The following P4HA1 variants were observed in gnomAD, a reference collection of about 807,000 sequenced individuals.
The protein encoded by P4HA1 is prolyl 4-hydroxylase subunit alpha 1.
P4HA1 carries 24 observed loss-of-function variants against 72.8 expected under a neutral mutation model. That is an observed-to-expected ratio of 0.33 (90% CI 0.24 to 0.46). P4HA1 has a LOEUF of 0.46. Among genes scored for constraint, P4HA1 ranks in the 20% least tolerant of loss-of-function variants. The pLI, the probability that P4HA1 is intolerant of heterozygous loss-of-function variation, is 1.00. For synonymous variants in P4HA1, 201 were observed against 218.8 expected (o/e 0.92, Z 0.72); for missense variants, 446 against 640.6 (o/e 0.70, Z 3.28).
At chr10:73,091,556 G>A (rs1403607804) in intron 1 of P4HA1, among the ~76,000 whole-genome samples, 1 of 152,202 alleles carries the variant, frequency 6.6e-6, no homozygotes, top group Non-Finnish European at 1.5e-5. Flanking sequence ...GAAGTCTTGA[G>A]CCTACTTAAA....
At chr10:73,019,730 G>GAAAAAAAA (rs3066045) in intron 10 of P4HA1, among the ~76,000 whole-genome samples, 3,480 of 65,188 alleles carry the variant, frequency 0.053, 771 homozygotes, top group Admixed American at 0.11. Context: ...CTCTGTCTCA[G>GAAAAAAAA]AAAAAAAAAA....
At chr10:73,042,906 A>G (rs1840769974) in intron 9 of P4HA1, among the ~76,000 whole-genome samples, 1 of 152,236 alleles carries the variant, frequency 6.6e-6, no homozygotes, top group South Asian at 2.1e-4. Context: ...CAAAATGTCA[A>G]TAGTGCTATT....
chr10:73,051,329 G>T, intron 6 of P4HA1, 80 bp from the exon 7 acceptor site: 1 of 749,570 alleles, frequency 1.3e-6, no homozygotes, highest in Non-Finnish European at 2.1e-6. Flanking sequence ...ATAAAAATAG[G>T]AGACATTATA....
intron 1 of P4HA1, among the ~76,000 whole-genome samples, chr10:73,080,820 C>T (rs1427584414): frequency 1.3e-5 from 2 of 152,000 alleles, no homozygotes; most frequent in East Asian, 3.9e-4. Flanking sequence ...CCCAGCTACT[C>T]GGGAGGCTGA....
At chr10:73,085,142 T>TA (rs112144582) in intron 1 of P4HA1, among the ~76,000 whole-genome samples, 23,708 of 149,180 alleles carry the variant, frequency 0.16, 3,043 homozygotes, top group African/African-American at 0.33. Context: ...CCATCTCATT[T>TA]AAAAAAAAAA....
At chr10:73,093,897 TATATATATATACACAC>T (rs1377184875) in intron 1 of P4HA1, among the ~76,000 whole-genome samples, 5 of 76,484 alleles carry the variant, frequency 6.5e-5, no homozygotes, top group Admixed American at 3.3e-4. Context: ...TATATATATA[TATATATATATACACAC>T]ACACACACAC....
intron 1 of P4HA1, among the ~76,000 whole-genome samples, chr10:73,096,182 C>A (rs1002174702): frequency 2.6e-5 from 4 of 152,220 alleles, no homozygotes; most frequent in Non-Finnish European, 5.9e-5. Flanking sequence ...GCAGCTAATG[C>A]TGCACCGCTG....
rs368410416 is a variant in P4HA1, at chr10:73,013,063, T to C, written c.1368+1161A>G. Among the ~76,000 whole-genome samples the C allele has an allele frequency of 7.7e-4, 118 of 152,316 alleles. 2 individuals carry two copies. In the South Asian group the frequency reaches 0.024, roughly 31 times the overall value. On this transcript the variant is annotated intron_variant, in intron 12 of 14. Transcript: ENST00000394890. ...TGCCCGCCTCGGCCTCTCAAAGTGT[T>C]GGGATTACAGGCGTGTGTCACTGTG...
intron 1 of P4HA1, among the ~76,000 whole-genome samples, chr10:73,079,803 C>T (rs1050641941): frequency 2.6e-5 from 4 of 152,146 alleles, no homozygotes; most frequent in Admixed American, 2.0e-4. Flanking sequence ...GAAAGCAACC[C>T]TATTATCTAG....
intron 5 of P4HA1, among the ~76,000 whole-genome samples, chr10:73,056,990 A>G (rs1324590277): frequency 2.7e-5 from 4 of 148,066 alleles, no homozygotes; most frequent in Non-Finnish European, 4.5e-5. Flanking sequence ...AACCCAGGAG[A>G]CAGAGCTTGC....
intron 2 of P4HA1, among the ~76,000 whole-genome samples, chr10:73,074,435 T>A (rs1293414342): frequency 6.6e-6 from 1 of 152,050 alleles, no homozygotes; most frequent in African/African-American, 2.4e-5. Context: ...CTGGTCAACA[T>A]GGTGAGACCC....
chr10:73,093,034 T>G (rs1050854384), intron 1 of P4HA1, among the ~76,000 whole-genome samples: 1 of 151,724 alleles, frequency 6.6e-6, no homozygotes, highest in Non-Finnish European at 1.5e-5. Context: ...GCAGAAGGAT[T>G]GCTTGAGCCC....
At chr10:73,078,498 C>T (rs1415873981) in intron 1 of P4HA1, among the ~76,000 whole-genome samples, 5 of 148,604 alleles carry the variant, frequency 3.4e-5, no homozygotes, top group Non-Finnish European at 5.9e-5. Flanking sequence ...CTGGTCAAAA[C>T]GAAGAAAAAT....
At chr10:73,043,804 T>A in intron 9 of P4HA1, 2 of 1,020,600 alleles carry the variant, frequency 2.0e-6, no homozygotes, top group South Asian at 1.3e-5. Context: ...TCTTAGAAAC[T>A]ATATCATGAG....
intron 1 of P4HA1, among the ~76,000 whole-genome samples, chr10:73,084,013 T>A (rs1342631493): frequency 1.3e-5 from 2 of 152,152 alleles, no homozygotes; most frequent in African/African-American, 4.8e-5. Flanking sequence ...AGATAAATCA[T>A]AGAGTTAGCA....
intron 10 of P4HA1, among the ~76,000 whole-genome samples, chr10:73,019,369 A>G (rs1251758224): frequency 1.3e-5 from 2 of 152,224 alleles, no homozygotes; most frequent in Non-Finnish European, 2.9e-5. Context: ...AAACATTAAA[A>G]AGCAATGAAA....
chr10:73,052,687 T>C (rs967429097), intron 6 of P4HA1, among the ~76,000 whole-genome samples: 5 of 152,210 alleles, frequency 3.3e-5, no homozygotes, highest in Non-Finnish European at 7.3e-5. Context: ...CATGCACATA[T>C]TTTCCTATTT....
chr10:73,077,431 T>C (rs1351092029), intron 1 of P4HA1, among the ~76,000 whole-genome samples: 1 of 152,210 alleles, frequency 6.6e-6, no homozygotes, highest in African/African-American at 2.4e-5. Flanking sequence ...TTAAAAACCA[T>C]TAGCCTACAG....
Position 73,007,952 on chromosome 10 carries a change from TTAAATA to T in P4HA1, c.*264_*269del. The T allele has an allele frequency of 3.1e-6, 1 of 324,864 alleles. No homozygotes were observed. Among genetic ancestry groups the T allele is most frequent in the African/African-American group, 2.1e-5 (1 of 47,242 alleles). 20.1% of individuals were successfully genotyped at this position (324,864 alleles called of 1,614,324 possible). A position where few individuals can be genotyped will look rare whatever the true frequency, so the allele number is the denominator to read the frequency against. On this transcript the variant is annotated 3_prime_UTR_variant, in exon 15 of 15. Transcript: ENST00000394890. ...TGTTTTTATCCAACCAAAAAGTTCT[TTAAATA>T]TAAAATTCCTCACTTTAAACTCTGC...
Sources: allele counts gnomAD v4.1 joint callset (sites outside exome capture counted in the v4.1 genomes callset), GRCh38; gene constraint gnomAD v4.1.1; transcripts MANE v1.5; gene names NCBI Gene and HGNC (gene_info 2026-07-23, HGNC 2026-07-21).